Variants in RASEF observed in about 807,000 individuals in gnomAD.
RASEF encodes the protein RAS and EF-hand domain containing.
A neutral mutation model predicts 90.1 loss-of-function variants in RASEF; 68 were observed. That is an observed-to-expected ratio of 0.75 (90% CI 0.62 to 0.92). RASEF has a LOEUF of 0.92. RASEF is among the 40% of genes least tolerant of loss of function. The pLI, the probability that RASEF is intolerant of heterozygous loss-of-function variation, is 0.00. For synonymous variants in RASEF, 331 were observed against 345.2 expected, an observed-to-expected ratio of 0.96 and a Z score of 0.46; for missense variants, 949 against 937.2, an observed-to-expected ratio of 1.01 and a Z score of -0.16.
intron 10 of RASEF, 54 bp downstream of exon 10, chr9:83,000,842 G>T: frequency 1.4e-6 from 2 of 1,421,170 alleles, no homozygotes; most frequent in South Asian, 2.4e-5. Flanking sequence ...CAAATAAGGT[G>T]ACAGATTTCA....
the RASEF span, among the ~76,000 whole-genome samples, chr9:83,112,172 A>G: frequency 2.0e-5 from 3 of 152,106 alleles, no homozygotes; most frequent in African/African-American, 2.4e-5. Flanking sequence ...AGCAAATGAG[A>G]TCATATTGAC....
the RASEF span, among the ~76,000 whole-genome samples, chr9:83,186,022 C>G: frequency 6.6e-6 from 1 of 152,190 alleles, no homozygotes; most frequent in Non-Finnish European, 1.5e-5. Context: ...GTCGTTTTCC[C>G]TTTCAACTGA....
chr9:82,997,959 G>T (rs1828951841), intron 13 of RASEF, among the ~76,000 whole-genome samples: 2 of 152,178 alleles, frequency 1.3e-5, no homozygotes, highest in South Asian at 4.1e-4. Context: ...ATCACCAAAT[G>T]CAAGTCTGCT....
intron 1 of RASEF, chr9:83,055,806 T>C (rs531095251): frequency 1.6e-6 from 1 of 615,744 alleles, no homozygotes; most frequent in African/African-American, 1.8e-5. Context: ...CTCCCAAAGA[T>C]ATATGTAAGG....
At chr9:83,045,429 G>A (rs1487466712) in intron 1 of RASEF, among the ~76,000 whole-genome samples, 1 of 152,180 alleles carries the variant, frequency 6.6e-6, no homozygotes, top group Non-Finnish European at 1.5e-5. Context: ...GGCTCCAAGT[G>A]CTCAGCTATC....
intron 1 of RASEF, among the ~76,000 whole-genome samples, chr9:83,043,477 C>A (rs1000299813): frequency 9.2e-5 from 14 of 152,136 alleles, no homozygotes; most frequent in Non-Finnish European, 1.9e-4. Context: ...TCAAGCATTC[C>A]ATCTGAAAAC....
At chr9:83,071,858 A>G in the RASEF span, among the ~76,000 whole-genome samples, 2 of 152,162 alleles carry the variant, frequency 1.3e-5, no homozygotes, top group Non-Finnish European at 2.9e-5. Flanking sequence ...TGAATATTCA[A>G]TGAGTCTTCT....
intron 2 of RASEF, among the ~76,000 whole-genome samples, chr9:83,025,374 T>C (rs1256661240): frequency 6.6e-6 from 1 of 152,156 alleles, no homozygotes; most frequent in Non-Finnish European, 1.5e-5. Context: ...CATTTTGCAG[T>C]TGCAGGAATT....
chr9:83,181,008 A>G, the RASEF span, among the ~76,000 whole-genome samples: 1 of 151,676 alleles, frequency 6.6e-6, no homozygotes, highest in African/African-American at 2.4e-5. Flanking sequence ...GAGCTTATGC[A>G]TTGGTTTGCC....
chr9:83,203,085 T>C, the RASEF span, among the ~76,000 whole-genome samples: 2 of 152,168 alleles, frequency 1.3e-5, no homozygotes, highest in African/African-American at 4.8e-5. Flanking sequence ...TATATAGATA[T>C]TATATGCCCC....
At chr9:83,123,970 C>A in the RASEF span, among the ~76,000 whole-genome samples, 1 of 150,182 alleles carries the variant, frequency 6.7e-6, no homozygotes, top group East Asian at 2.0e-4. Flanking sequence ...TCTCCCTTAG[C>A]CTTGGCAAAC....
At chr9:83,022,840 A>G (rs1829467916) in intron 2 of RASEF, among the ~76,000 whole-genome samples, 1 of 152,234 alleles carries the variant, frequency 6.6e-6, no homozygotes, top group South Asian at 2.1e-4. Context: ...TAACTGTAAC[A>G]CAATGGTATT....
At chr9:83,088,947 T>G in the RASEF span, among the ~76,000 whole-genome samples, 3 of 152,078 alleles carry the variant, frequency 2.0e-5, no homozygotes, top group African/African-American at 7.2e-5. Flanking sequence ...ATGTTACATG[T>G]GCCATTTTGC....
intron 9 of RASEF, 36 bp from the exon 10 acceptor site, chr9:83,001,166 C>A: frequency 6.7e-7 from 1 of 1,485,348 alleles, no homozygotes; most frequent in Non-Finnish European, 9.3e-7. Context: ...TACCTGAGGG[C>A]TGGAAATGCT....
the RASEF span, among the ~76,000 whole-genome samples, chr9:83,209,676 A>G: frequency 3.3e-5 from 5 of 152,266 alleles, no homozygotes; most frequent in Non-Finnish European, 5.9e-5. Context: ...CTGAACTCAG[A>G]GAAGCCTTTT....
chr9:83,109,878 C>T, the RASEF span, among the ~76,000 whole-genome samples: 1 of 152,142 alleles, frequency 6.6e-6, no homozygotes. Context: ...TTTATGGATT[C>T]ATAAGAGGCT....
At chr9:83,213,950 T>A in the RASEF span, among the ~76,000 whole-genome samples, 2 of 152,170 alleles carry the variant, frequency 1.3e-5, no homozygotes, top group Non-Finnish European at 2.9e-5. Context: ...CCAGGCACAG[T>A]GGAACATGCC....
chr9:83,035,065 T>C (rs187202811), intron 1 of RASEF, among the ~76,000 whole-genome samples: 1 of 152,288 alleles, frequency 6.6e-6, no homozygotes, highest in East Asian at 1.9e-4. Flanking sequence ...GGGAGCTCCA[T>C]GGACAGAAAT....
At position 82,983,900 on chromosome 9, in the gene RASEF, C is replaced by T. The variant is rs548571273; in HGVS notation, c.2118-1118G>A. 3.9e-5 allele frequency among the ~76,000 whole-genome samples: 6 copies of T among 152,256 alleles called. No individual in the cohort carries two copies. In the East Asian group the frequency reaches 7.7e-4, roughly 20 times the overall value. On this transcript the variant is annotated intron_variant, in intron 16 of 16. Transcript: ENST00000376447. Reference sequence around the variant, plus strand: ...TGACATCCAGCCCGAGCCACAGCCCCGGTGGCCATCTGACTGCAAACATAG... The same window carrying T: ...TGACATCCAGCCCGAGCCACAGCCCTGGTGGCCATCTGACTGCAAACATAG...
Sources: gnomAD v4.1 joint callset for allele counts (sites outside exome capture counted in the v4.1 genomes callset) on GRCh38, gnomAD v4.1.1 for gene constraint, MANE v1.5 for transcripts, NCBI Gene and HGNC (gene_info 2026-07-23, HGNC 2026-07-21) for gene names.